Variants in PHACTR3 observed in about 807,000 individuals in gnomAD.
PHACTR3 encodes the protein phosphatase and actin regulator 3.
PHACTR3 carries 16 observed loss-of-function variants against 66.8 expected under a neutral mutation model. The observed-to-expected ratio is 0.24, with a 90% confidence interval of 0.16 to 0.36. PHACTR3 has a LOEUF of 0.36. Among genes scored for constraint, PHACTR3 ranks in the 10% least tolerant of loss-of-function variants. The pLI, the probability that PHACTR3 is intolerant of heterozygous loss-of-function variation, is 1.00. For synonymous variants in PHACTR3, 323 were observed against 292.1 expected, an observed-to-expected ratio of 1.11 and a Z score of -1.08; for missense variants, 647 against 719.9, an observed-to-expected ratio of 0.90 and a Z score of 1.16.
intron 5 of PHACTR3, among the ~76,000 whole-genome samples, chr20:59,772,473 G>A (rs1338833328): frequency 1.3e-5 from 2 of 152,172 alleles, no homozygotes; most frequent in Admixed American, 6.5e-5. Flanking sequence ...CAGGTCCCAG[G>A]GGACAGGAGA....
intron 8 of PHACTR3, among the ~76,000 whole-genome samples, chr20:59,834,956 G>A (rs2042483171): frequency 6.6e-6 from 1 of 152,166 alleles, no homozygotes. Flanking sequence ...CTCATAATTT[G>A]TGTTTTCAGA....
chr20:59,694,542 C>T (rs1188601219), intron 1 of PHACTR3, among the ~76,000 whole-genome samples: 1 of 151,796 alleles, frequency 6.6e-6, no homozygotes, highest in Non-Finnish European at 1.5e-5. Flanking sequence ...GAAAGAAAGA[C>T]ACTGGAGGTA....
At chr20:59,719,309 C>T (rs1026025612) in intron 1 of PHACTR3, among the ~76,000 whole-genome samples, 8 of 152,020 alleles carry the variant, frequency 5.3e-5, no homozygotes, top group East Asian at 1.9e-4. Context: ...GGATTACAGG[C>T]GCCTGCCACC....
At chr20:59,696,560 CT>C (rs2037305617) in intron 1 of PHACTR3, among the ~76,000 whole-genome samples, 1 of 152,262 alleles carries the variant, frequency 6.6e-6, no homozygotes, top group African/African-American at 2.4e-5. Context: ...TTGGGATGCT[CT>C]TCACACCTAA....
chr20:59,765,092 TAAC>T (rs1242479511), intron 4 of PHACTR3, among the ~76,000 whole-genome samples: 1 of 152,252 alleles, frequency 6.6e-6, no homozygotes, highest in African/African-American at 2.4e-5. Flanking sequence ...ACCTGTGGCT[TAAC>T]AAGGACACCT....
chr20:59,668,819 G>A (rs1601050611), intron 1 of PHACTR3, among the ~76,000 whole-genome samples: 2 of 152,006 alleles, frequency 1.3e-5, no homozygotes, highest in Non-Finnish European at 2.9e-5. Flanking sequence ...TCCTGCCTCA[G>A]CCTCCCAAGT....
rs2059169988 is a variant in PHACTR3 at position 59,847,371 on chromosome 20, CAA to C, written c.*242_*243del. ...TGAACTGTTGGGGTCAGTTAAGACC[CAA>C]CATAACTCTATCAGAAGAAAACTGT... On this transcript the variant is annotated 3_prime_UTR_variant, in exon 13 of 13. Coordinates refer to ENST00000371015, the MANE Select transcript of PHACTR3 (RefSeq NM_080672.5). The C allele has an allele frequency of 2.6e-5, 10 of 380,372 alleles. No individual in the cohort carries two copies. Among genetic ancestry groups the C allele is most frequent in the Non-Finnish European group, 3.9e-5 (8 of 205,630 alleles). 23.6% of individuals were successfully genotyped at this position (380,372 alleles called of 1,614,324 possible).
At chr20:59,596,121 T>C (rs1036493063) in intron 1 of PHACTR3, among the ~76,000 whole-genome samples, 7 of 152,128 alleles carry the variant, frequency 4.6e-5, no homozygotes, top group Non-Finnish European at 5.9e-5. Context: ...CAAGTAGTGT[T>C]GTCTGGTTTT....
chr20:59,775,344 G>A (rs926702455), intron 7 of PHACTR3, among the ~76,000 whole-genome samples: 3 of 152,120 alleles, frequency 2.0e-5, no homozygotes, highest in African/African-American at 7.2e-5. Context: ...GCATCTCATG[G>A]TGACTGTTGC....
intron 1 of PHACTR3, chr20:59,627,049 A>C (rs1229702186): frequency 3.3e-5 from 5 of 152,262 alleles, no homozygotes; most frequent in African/African-American, 7.2e-5. Context: ...CCATGAGCCC[A>C]GTGCTGTGGA....
chr20:59,834,132 C>T (rs2042459746), intron 8 of PHACTR3, among the ~76,000 whole-genome samples: 1 of 152,232 alleles, frequency 6.6e-6, no homozygotes, highest in Non-Finnish European at 1.5e-5. Flanking sequence ...GCCAGAGGAG[C>T]TGTGCAAAGG....
chr20:59,845,140 C>T, intron 11 of PHACTR3, 49 bp from the exon 12 acceptor site: 2 of 1,193,130 alleles, frequency 1.7e-6, no homozygotes, highest in Non-Finnish European at 2.5e-6. Flanking sequence ...TGCTAATTTC[C>T]TGATTTTTTT....
chr20:59,674,327 A>G (rs1383946350), intron 1 of PHACTR3, among the ~76,000 whole-genome samples: 1 of 136,330 alleles, frequency 7.3e-6, no homozygotes, highest in East Asian at 2.3e-4. Flanking sequence ...CATGGCTCTG[A>G]CTCCTGCCCT....
chr20:59,830,726 C>T lies in PHACTR3; in HGVS notation c.1329-5779C>T, dbSNP rs549705881. On this transcript the variant is annotated intron_variant, in intron 8 of 12. Transcript: ENST00000371015. This position sits in a 1 kb window ranked among gnomAD's most constrained non-coding sequence, Gnocchi z 5.8. ...CTCCTCCTGTATTTAGTGTTCTCGA[C>T]TCTCCCAGCATCCCTGTGGGTTTTG... Among the ~76,000 whole-genome samples, 6 of 152,296 alleles carry T rather than the reference C, an allele frequency of 3.9e-5. No individual in the cohort carries two copies. The East Asian group carries it at 1.2e-3, about 29-fold the overall frequency.
chr20:59,750,290 T>G (rs1208224470), intron 3 of PHACTR3, among the ~76,000 whole-genome samples: 1 of 151,938 alleles, frequency 6.6e-6, no homozygotes, highest in Admixed American at 6.6e-5. Context: ...TCTCAGAGTC[T>G]GTTGCATATT....
chr20:59,831,659 T>A (rs922959787), intron 8 of PHACTR3, among the ~76,000 whole-genome samples: 1 of 152,100 alleles, frequency 6.6e-6, no homozygotes, highest in Non-Finnish European at 1.5e-5. Context: ...CTTCTGCAGC[T>A]TCCAAAGCCC....
intron 3 of PHACTR3, among the ~76,000 whole-genome samples, chr20:59,750,865 G>A (rs960273439): frequency 5.9e-5 from 9 of 152,204 alleles, no homozygotes; most frequent in East Asian, 1.9e-4. Flanking sequence ...CGGGATCCAC[G>A]CAGATGCTTG....
At chr20:59,661,734 G>T (rs1210266903) in intron 1 of PHACTR3, among the ~76,000 whole-genome samples, 2 of 150,642 alleles carry the variant, frequency 1.3e-5, no homozygotes, top group African/African-American at 4.9e-5. Flanking sequence ...TGGCTCCTTG[G>T]ACTCCAGGTT....
chr20:59,665,536 G>T (rs2035954755), intron 1 of PHACTR3, among the ~76,000 whole-genome samples: 1 of 152,042 alleles, frequency 6.6e-6, no homozygotes. Flanking sequence ...CAGATTTTAA[G>T]CTATCTACTT....
Sources: allele counts gnomAD v4.1 joint callset (sites outside exome capture counted in the v4.1 genomes callset), GRCh38; gene constraint gnomAD v4.1.1; non-coding constraint Gnocchi (gnomAD v3.1); transcripts MANE v1.5; gene names NCBI Gene and HGNC (gene_info 2026-07-23, HGNC 2026-07-21).